Variants in DLGAP1 observed in about 807,000 individuals in gnomAD.
DLGAP1 encodes disks large-associated protein 1.
Under a neutral mutation model 90.8 loss-of-function variants are expected in DLGAP1, and 11 were observed. The observed-to-expected ratio is 0.12, with a 90% CI of 0.08 to 0.20. The LOEUF (loss-of-function observed/expected upper bound fraction) is 0.20, where lower values mean the gene tolerates loss of function less well. Ranked by LOEUF, DLGAP1 falls within the 10% of genes least tolerant of loss-of-function variation. The probability of loss-of-function intolerance (pLI) is 1.00; values close to 1 mark genes in which losing one functional copy is unlikely to be tolerated. For missense variants in DLGAP1, 1,050 were observed against 1,333.8 expected (o/e 0.79, Z 3.31); for synonymous variants, 558 against 540.7 (o/e 1.03, Z -0.44).
intron 4 of DLGAP1, among the ~76,000 whole-genome samples, chr18:3,872,171 A>AAGATC (rs1278570676): frequency 6.6e-6 from 1 of 151,762 alleles, no homozygotes; most frequent in Admixed American, 6.6e-5. Flanking sequence ...CTACATTTAA[A>AAGATC]AGATCAGGGA....
intron 1 of DLGAP1, among the ~76,000 whole-genome samples, chr18:4,437,243 C>A (rs1465551012): frequency 6.6e-6 from 1 of 152,158 alleles, no homozygotes; most frequent in Non-Finnish European, 1.5e-5. Flanking sequence ...TAAAGCCTCA[C>A]AACATACTAG....
At chr18:3,758,925 A>C (rs1344892629) in intron 5 of DLGAP1, among the ~76,000 whole-genome samples, 1 of 152,122 alleles carries the variant, frequency 6.6e-6, no homozygotes, top group Non-Finnish European at 1.5e-5. Context: ...TAGGAGTGTG[A>C]CTTCATAAAG....
At chr18:3,714,122 T>TA (rs1311671966) in intron 7 of DLGAP1, among the ~76,000 whole-genome samples, 1 of 152,136 alleles carries the variant, frequency 6.6e-6, no homozygotes, top group African/African-American at 2.4e-5. Flanking sequence ...TCCCCTTTTT[T>TA]AAAAAAACAA....
intron 7 of DLGAP1, among the ~76,000 whole-genome samples, chr18:3,682,990 G>A (rs1051940004): frequency 2.6e-5 from 4 of 151,934 alleles, no homozygotes; most frequent in East Asian, 1.9e-4. Flanking sequence ...TTGAGTAGGT[G>A]GGATTACAGG....
chr18:3,624,266 A>G (rs1342133565), intron 7 of DLGAP1, among the ~76,000 whole-genome samples: 1 of 152,200 alleles, frequency 6.6e-6, no homozygotes, highest in African/African-American at 2.4e-5. Flanking sequence ...TAGGTCTGAC[A>G]CTGCTGCTGG....
intron 1 of DLGAP1, among the ~76,000 whole-genome samples, chr18:4,172,309 T>C (rs1258508156): frequency 1.3e-5 from 2 of 152,234 alleles, no homozygotes; most frequent in African/African-American, 2.4e-5. Flanking sequence ...CAATTTGAAA[T>C]AATTTTTCTG....
chr18:4,329,880 A>T (rs611050), intron 1 of DLGAP1, among the ~76,000 whole-genome samples: 50,902 of 151,890 alleles, frequency 0.34, 8,734 homozygotes, highest in African/African-American at 0.42. Flanking sequence ...AGGATATTGC[A>T]GACCCCATAA....
chr18:3,590,434 C>T (rs746412801), intron 7 of DLGAP1, among the ~76,000 whole-genome samples: 31 of 152,262 alleles, frequency 2.0e-4, no homozygotes, highest in Non-Finnish European at 3.5e-4. Flanking sequence ...TTTCTTCAAT[C>T]AGAGAGCCGG....
chr18:3,962,675 A>G (rs910649453), intron 3 of DLGAP1, among the ~76,000 whole-genome samples: 9 of 151,842 alleles, frequency 5.9e-5, no homozygotes, highest in African/African-American at 1.9e-4. Flanking sequence ...TTCCATCCCT[A>G]TGCTTGTTTT....
intron 3 of DLGAP1, among the ~76,000 whole-genome samples, chr18:3,897,971 T>C (rs1467258806): frequency 1.3e-5 from 2 of 149,516 alleles, no homozygotes; most frequent in Admixed American, 6.6e-5. Flanking sequence ...ATTTTTTGTA[T>C]TTTTAGTAGA....
intron 9 of DLGAP1, among the ~76,000 whole-genome samples, chr18:3,557,152 T>G (rs1003849575): frequency 3.3e-5 from 5 of 152,208 alleles, no homozygotes; most frequent in African/African-American, 1.2e-4. Flanking sequence ...AAATTGTTCT[T>G]CTTTTCTAAT....
At position 4,339,373 on chromosome 18, in the gene DLGAP1, G is replaced by A. The variant is rs1396794115; in HGVS notation, c.-267+115633C>T. Among the ~76,000 whole-genome samples the A allele has an allele frequency of 2.0e-5, 3 of 152,226 alleles. No individual in the cohort carries two copies. The East Asian group carries it at 5.8e-4, about 29-fold the overall frequency. ...ATCAAGACAAAAAGTTAATGCATGC[G>A]AGTCTTAATACCTAGGTAAGGTGCT... On this transcript the variant is annotated intron_variant, in intron 1 of 12. Coordinates refer to ENST00000315677, the MANE Select transcript of DLGAP1 (RefSeq NM_004746.4).
At chr18:3,962,329 T>C (rs1306244694) in intron 3 of DLGAP1, 2 of 152,234 alleles carry the variant, frequency 1.3e-5, no homozygotes, top group Admixed American at 6.5e-5. Flanking sequence ...AACAAACTAG[T>C]ATTCATTTTC....
intron 7 of DLGAP1, among the ~76,000 whole-genome samples, chr18:3,718,097 G>A (rs1380139723): frequency 6.6e-6 from 1 of 152,134 alleles, no homozygotes; most frequent in Non-Finnish European, 1.5e-5. Flanking sequence ...GCTTTAATTT[G>A]TGTCAGTTTA....
chr18:3,856,588 G>T (rs181812563), intron 4 of DLGAP1, among the ~76,000 whole-genome samples: 158 of 152,222 alleles, frequency 1.0e-3, no homozygotes, highest in African/African-American at 3.5e-3. Flanking sequence ...CAGGCCAGAC[G>T]CGGTGGCTCA....
chr18:3,631,928 T>A (rs963488561), intron 7 of DLGAP1, among the ~76,000 whole-genome samples: 3 of 151,994 alleles, frequency 2.0e-5, no homozygotes, highest in Admixed American at 2.0e-4. Flanking sequence ...AGACCACAGG[T>A]GTGTGCCACC....
intron 3 of DLGAP1, chr18:3,978,233 C>A (rs905538309): frequency 4.7e-6 from 2 of 428,850 alleles, no homozygotes; most frequent in Non-Finnish European, 9.1e-6. Context: ...ATCGTTCATG[C>A]CCATCAGCAG....
intron 7 of DLGAP1, among the ~76,000 whole-genome samples, chr18:3,670,814 G>T (rs2060061322): frequency 6.6e-6 from 1 of 152,130 alleles, no homozygotes; most frequent in Admixed American, 6.6e-5. Flanking sequence ...TTCTTTGGTT[G>T]GCAAATCATC....
chr18:4,174,421 G>GC (rs1285139370), intron 1 of DLGAP1, among the ~76,000 whole-genome samples: 2 of 151,716 alleles, frequency 1.3e-5, no homozygotes, highest in East Asian at 3.9e-4. Flanking sequence ...TGCAACCTCC[G>GC]CCCCCCGGGT....
Sources: gnomAD v4.1 joint callset for allele counts (sites outside exome capture counted in the v4.1 genomes callset) on GRCh38, gnomAD v4.1.1 for gene constraint, MANE v1.5 for transcripts, NCBI Gene and HGNC (gene_info 2026-07-23, HGNC 2026-07-21) for gene names.